TCN1: variants seen among roughly 807,000 people sequenced by gnomAD.
TCN1 encodes the protein transcobalamin 1.
Under a neutral mutation model 46.3 loss-of-function variants are expected in TCN1, and 47 were observed. That is an observed-to-expected ratio of 1.01 (90% CI 0.80 to 1.29). The LOEUF (loss-of-function observed/expected upper bound fraction) is 1.29, where lower values mean the gene tolerates loss of function less well. TCN1 is among the 50% of genes most tolerant of loss of function. The pLI is 0.00. For missense variants in TCN1, 532 were observed against 511.0 expected (o/e 1.04, Z -0.40); for synonymous variants, 183 against 192.5 (o/e 0.95, Z 0.41).
At position 59,862,582 on chromosome 11, in the gene TCN1, C is replaced by T. The variant is rs1352315392; in HGVS notation, c.400G>A (p.Glu134Lys). ...GGGTCTCTAAATATTTAATTCTTACCCATATTTTCAATTTCTGCTTGGAAT... is the reference window on the plus strand; with the variant it reads ...GGGTCTCTAAATATTTAATTCTTACTCATATTTTCAATTTCTGCTTGGAAT... ...NKFQAEIENM[E>K]AHNGTPLTNY... The change falls in exon 3 of 9, where the codon GAA becomes AAA. Residue 134 changes from glutamate (E) to lysine (K), a missense_variant and splice_region_variant. Coordinates refer to ENST00000257264, the MANE Select transcript of TCN1 (RefSeq NM_001062.4). 6.2e-7 allele frequency: 1 copy of T among 1,613,074 alleles called. No homozygotes were observed. Among genetic ancestry groups the T allele is most frequent in the Non-Finnish European group, 8.5e-7 (1 of 1,179,442 alleles).
intron 4 of TCN1, among the ~76,000 whole-genome samples, chr11:59,861,319 G>A (rs542568157): frequency 7.9e-5 from 12 of 152,136 alleles, no homozygotes; most frequent in East Asian, 3.9e-4. Context: ...AGCAGAAACC[G>A]GGTATTTCTA....
At chr11:59,853,379 T>C (rs1322136503) in intron 7 of TCN1, 58 bp from the exon 8 acceptor site, 2 of 1,461,170 alleles carry the variant, frequency 1.4e-6, no homozygotes, top group Non-Finnish European at 1.9e-6. Context: ...AAACCAACAA[T>C]AGGCATTTCT....
At chr11:59,862,532 G>A (rs1329681915) in intron 3 of TCN1, 50 bp downstream of exon 3, 1 of 1,601,350 alleles carries the variant, frequency 6.2e-7, no homozygotes, top group East Asian at 2.2e-5. Flanking sequence ...TTTTGAATCA[G>A]TGGAGGAGAA....
At chr11:59,860,954 C>T (rs773985990) in intron 4 of TCN1, among the ~76,000 whole-genome samples, 1 of 152,180 alleles carries the variant, frequency 6.6e-6, no homozygotes, top group Non-Finnish European at 1.5e-5. Flanking sequence ...TCCATAGAGG[C>T]TAAGCACCTA....
rs561822398 is a variant in TCN1, at chr11:59,859,385, T to G, written c.557-118A>C. The G allele has an allele frequency of 5.4e-5, 58 of 1,080,108 alleles. 2 individuals are homozygous for G. The South Asian group carries it at 7.1e-4, about 13-fold the overall frequency. 66.9% of individuals were successfully genotyped at this position (1,080,108 alleles called of 1,614,324 possible). On this transcript the variant is annotated intron_variant, in intron 4 of 8. Coordinates refer to ENST00000257264, the MANE Select transcript of TCN1 (RefSeq NM_001062.4). ...AAAAGAAAAACAGATCTAGAAAAAC[T>G]GGGATGGTTGGTCATGCTAATTGGT...
chr11:59,864,098 A>T lies in TCN1; in HGVS notation c.80-12T>A, dbSNP rs1204423725. On this transcript the variant is annotated splice_polypyrimidine_tract_variant and intron_variant, in intron 1 of 8. Coordinates refer to ENST00000257264, the MANE Select transcript of TCN1 (RefSeq NM_001062.4). ...TTCTTCACTTACCTCTGTGGCAGAG[A>T]AGGAAGGAAATAAGAAACACATACT... The T allele has an allele frequency of 6.2e-7, 1 of 1,613,424 alleles. No individual in the cohort carries two copies. The highest frequency in any genetic ancestry group is 1.3e-5 in the African/African-American group (1 of 74,996).
chr11:59,866,299 G>T (rs897081580), intron 1 of TCN1, 93 bp downstream of exon 1: 4 of 1,315,588 alleles, frequency 3.0e-6, no homozygotes, highest in Non-Finnish European at 4.4e-6. Flanking sequence ...ACTGGAATGG[G>T]ATCTTTTCTC....
chr11:59,858,183 C>T (rs906092023), intron 5 of TCN1, among the ~76,000 whole-genome samples: 16 of 152,154 alleles, frequency 1.1e-4, no homozygotes, highest in Non-Finnish European at 2.2e-4. Context: ...TGAACACATG[C>T]ACTTCAATGT....
chr11:59,855,151 CAAT>C (rs1852917227), intron 6 of TCN1, among the ~76,000 whole-genome samples: 1 of 151,900 alleles, frequency 6.6e-6, no homozygotes, highest in African/African-American at 2.4e-5. Context: ...GTACAGCATA[CAAT>C]AATGCTTGTC....
At position 59,858,935 on chromosome 11, in the gene TCN1, G is replaced by A. The variant is rs113348812; in HGVS notation, c.747+142C>T. ...GGAGAATCGCTTGAACTCGGGAGGCGGAGGTCGCAGTGAGCTGAGCTCGCA... is the reference window on the plus strand; with the variant it reads ...GGAGAATCGCTTGAACTCGGGAGGCAGAGGTCGCAGTGAGCTGAGCTCGCA... On this transcript the variant is annotated intron_variant, in intron 5 of 8. Coordinates refer to ENST00000257264, the MANE Select transcript of TCN1 (RefSeq NM_001062.4). 2,428 of 918,170 alleles carry A rather than the reference G, an allele frequency of 2.6e-3. 28 individuals are homozygous for A. The African/African-American group carries it at 0.035, about 13-fold the overall frequency. 56.9% of individuals were successfully genotyped at this position (918,170 alleles called of 1,614,324 possible). A position where few individuals can be genotyped will look rare whatever the true frequency, so the allele number is the denominator to read the frequency against.
At chr11:59,860,074 A>G (rs1008661845) in intron 4 of TCN1, among the ~76,000 whole-genome samples, 7 of 152,212 alleles carry the variant, frequency 4.6e-5, no homozygotes, top group Admixed American at 4.6e-4. Context: ...GGTGGGATGT[A>G]GCACGAATCT....
chr11:59,863,766 G>T, intron 2 of TCN1, 141 bp downstream of exon 2: 1 of 991,444 alleles, frequency 1.0e-6, no homozygotes, highest in Non-Finnish European at 1.5e-6. Context: ...TTTTGGGCAT[G>T]TTTCTGTTAC....
intron 2 of TCN1, among the ~76,000 whole-genome samples, chr11:59,863,540 C>A (rs548132734): frequency 1.3e-5 from 2 of 152,134 alleles, no homozygotes; most frequent in South Asian, 4.2e-4. Context: ...CCCACCCATA[C>A]CTAGTTCAAA....
At position 59,853,225 on chromosome 11, in the gene TCN1, A is replaced by T. The variant is rs1225484803; in HGVS notation, c.1218T>A (p.Ser406Arg). The T allele has an allele frequency of 8.1e-6, 13 of 1,613,900 alleles. No individual in the cohort carries two copies. In the South Asian group the frequency reaches 8.8e-5, roughly 11 times the overall value. ...TACCTTGGCTCAGTGGTTCGCCTCC[A>T]CTCAGAAGTTCCCAGTAGGTTCTGT... ...NNDRTYWELL[S>R]GGEPLSQGAG... The change falls in exon 8 of 9, where the codon AGT becomes AGA. Residue 406 changes from serine to arginine, a missense_variant. Ser to Arg is a moderately radical substitution (Grantham distance 110). Transcript: ENST00000257264.
intron 5 of TCN1, among the ~76,000 whole-genome samples, chr11:59,858,329 C>G (rs150333017): frequency 6.0e-5 from 8 of 132,332 alleles, no homozygotes; most frequent in African/African-American, 2.7e-4. Flanking sequence ...CAATTTAAAA[C>G]TTATGCGTTA....
At chr11:59,862,748 AT>A (rs1853030606) in intron 2 of TCN1, 26 bp from the exon 3 acceptor site, 1 of 1,612,086 alleles carries the variant, frequency 6.2e-7, no homozygotes, top group Admixed American at 1.7e-5. Flanking sequence ...TTCAAGCTTA[AT>A]AAGGTACAGG....
At chr11:59,861,296 A>G (rs1853011944) in intron 4 of TCN1, among the ~76,000 whole-genome samples, 1 of 152,226 alleles carries the variant, frequency 6.6e-6, no homozygotes, top group African/African-American at 2.4e-5. Context: ...TATATAACCC[A>G]AAGAAGAGCT....
In TCN1 at chr11:59,854,629, C is replaced by G. The variant is rs148495702; in HGVS notation, c.1121+23G>C. 5.1e-3 allele frequency: 8,175 copies of G among 1,610,934 alleles called. 25 individuals carry two copies. Among genetic ancestry groups the G allele is most frequent in the Non-Finnish European group, 5.7e-3 (6,769 of 1,177,506 alleles). ...TTAGAAATGACAGCAAACATCTTAACCTTAGGTTAGGTACAGACCTACCCA... is the reference window on the plus strand; with the variant it reads ...TTAGAAATGACAGCAAACATCTTAAGCTTAGGTTAGGTACAGACCTACCCA... On this transcript the variant is annotated intron_variant, in intron 7 of 8. Transcript: ENST00000257264.
At chr11:59,856,162 A>G (rs1360363731) in intron 5 of TCN1, 104 bp from the exon 6 acceptor site, 1 of 878,994 alleles carries the variant, frequency 1.1e-6, no homozygotes, top group Non-Finnish European at 1.8e-6. Flanking sequence ...ATAACTATAT[A>G]TGTAACTAAT....
Sources: gnomAD v4.1 joint callset for allele counts (sites outside exome capture counted in the v4.1 genomes callset) on GRCh38, gnomAD v4.1.1 for gene constraint, MANE v1.5 for transcripts, NCBI Gene and HGNC (gene_info 2026-07-23, HGNC 2026-07-21) for gene names.